Variants in EYA2 observed in about 807,000 individuals in gnomAD.
The protein encoded by EYA2 is protein phosphatase EYA2.
Under a neutral mutation model 69.2 loss-of-function variants are expected in EYA2, and 31 were observed. That is an observed-to-expected ratio of 0.45 (90% confidence interval 0.34 to 0.60). The LOEUF is 0.60. Ranked by LOEUF, EYA2 falls within the 20% of genes least tolerant of loss-of-function variation. EYA2 has a pLI of 0.02. For synonymous variants in EYA2, 257 were observed against 279.4 expected (o/e 0.92, Z 0.80); for missense variants, 622 against 701.2 (o/e 0.89, Z 1.28).
chr20:47,008,443 C>T (rs1982860713), intron 4 of EYA2, among the ~76,000 whole-genome samples: 1 of 152,224 alleles, frequency 6.6e-6, no homozygotes. Context: ...AGACCTTGGC[C>T]AACAGGTGTG....
intron 8 of EYA2, among the ~76,000 whole-genome samples, chr20:47,090,595 A>G (rs1233465524): frequency 6.6e-6 from 1 of 152,032 alleles, no homozygotes; most frequent in African/African-American, 2.4e-5. Context: ...TATGGGATAC[A>G]TACAGATAGT....
chr20:46,996,314 G>A (rs1415490466), intron 2 of EYA2, among the ~76,000 whole-genome samples: 1 of 152,182 alleles, frequency 6.6e-6, no homozygotes, highest in Non-Finnish European at 1.5e-5. Flanking sequence ...TTGAGTTTGT[G>A]TCTTCTGGAA....
chr20:46,939,723 T>A (rs923916697), intron 1 of EYA2, among the ~76,000 whole-genome samples: 2 of 152,212 alleles, frequency 1.3e-5, no homozygotes, highest in Non-Finnish European at 2.9e-5. Flanking sequence ...TTTTGTCTCC[T>A]CTATTTGTAA....
chr20:46,986,309 T>G (rs1261116183), intron 1 of EYA2, among the ~76,000 whole-genome samples: 2 of 136,204 alleles, frequency 1.5e-5, no homozygotes, highest in Non-Finnish European at 3.2e-5. Context: ...GTATATATTA[T>G]ATATTATATA....
chr20:47,087,860 C>T (rs2031944848), intron 7 of EYA2, among the ~76,000 whole-genome samples: 1 of 152,248 alleles, frequency 6.6e-6, no homozygotes, highest in Admixed American at 6.5e-5. Flanking sequence ...GTGCTAGATG[C>T]TCTCGCCTAT....
intron 1 of EYA2, among the ~76,000 whole-genome samples, chr20:46,901,892 G>T (rs900967651): frequency 1.1e-4 from 16 of 152,184 alleles, no homozygotes; most frequent in Admixed American, 1.0e-3. Context: ...ATTCACCTCC[G>T]GTCTGCGATG....
intron 1 of EYA2, among the ~76,000 whole-genome samples, chr20:46,918,602 T>C (rs1985038245): frequency 6.6e-6 from 1 of 152,116 alleles, no homozygotes; most frequent in African/African-American, 2.4e-5. Flanking sequence ...CACCAGCACC[T>C]GGCCTATTTC....
chr20:47,123,062 T>G (rs190504589), intron 9 of EYA2, among the ~76,000 whole-genome samples: 13 of 152,270 alleles, frequency 8.5e-5, no homozygotes, highest in Non-Finnish European at 2.9e-5. Context: ...ACTCACCTTA[T>G]AGGGTCACTG....
intron 9 of EYA2, among the ~76,000 whole-genome samples, chr20:47,125,047 G>GTTTTTTTTTTTTTTTTTTTTTTTTTT (rs11478823): frequency 1.1e-5 from 1 of 88,396 alleles, no homozygotes. Context: ...TTTTGGTTAA[G>GTTTTTTTTTTTTTTTTTTTTTTTTTT]TTTTTTTTTT....
chr20:46,954,607 G>A lies in EYA2; in HGVS notation c.-10-35394G>A, dbSNP rs535334530. On this transcript the variant is annotated intron_variant, in intron 1 of 15. Coordinates refer to ENST00000327619, the MANE Select transcript of EYA2 (RefSeq NM_005244.5). ...CTCCACAAATACCATGCCGATGAGT[G>A]GCCAGTGTCAAAACAGCAGCAACAA... Among the ~76,000 whole-genome samples the A allele has an allele frequency of 3.3e-5, 5 of 152,304 alleles. No homozygotes were observed. The South Asian group carries it at 1.0e-3, about 32-fold the overall frequency.
chr20:46,964,727 C>CT (rs1979671442), intron 1 of EYA2, among the ~76,000 whole-genome samples: 1 of 152,194 alleles, frequency 6.6e-6, no homozygotes, highest in Non-Finnish European at 1.5e-5. Context: ...GATGAGGAAA[C>CT]TGAGACCAAG....
At chr20:47,016,146 C>G in intron 4 of EYA2, 35 bp from the exon 5 acceptor site, 1 of 1,496,270 alleles carries the variant, frequency 6.7e-7, no homozygotes, top group Non-Finnish European at 9.3e-7. Flanking sequence ...AATCATGTGT[C>G]CTTGGTCCTT....
chr20:47,146,475 G>C (rs975580013), intron 10 of EYA2, among the ~76,000 whole-genome samples: 1 of 152,282 alleles, frequency 6.6e-6, no homozygotes, highest in African/African-American at 2.4e-5. Context: ...TTACCAGCTG[G>C]AGCTACTTAG....
At chr20:46,916,441 C>T (rs1984909288) in intron 1 of EYA2, among the ~76,000 whole-genome samples, 1 of 151,560 alleles carries the variant, frequency 6.6e-6, no homozygotes, top group Admixed American at 6.6e-5. Flanking sequence ...TGTGTAGGTG[C>T]TTAAGTGTGT....
At chr20:47,161,157 C>G in intron 10 of EYA2, 1 of 364,844 alleles carries the variant, frequency 2.7e-6, no homozygotes, top group Non-Finnish European at 5.1e-6. Flanking sequence ...TGCACCAGCA[C>G]AGAGCCACAG....
intron 9 of EYA2, among the ~76,000 whole-genome samples, chr20:47,132,704 C>A (rs1290316825): frequency 6.6e-6 from 1 of 152,214 alleles, no homozygotes; most frequent in African/African-American, 2.4e-5. Flanking sequence ...TTCATGGATA[C>A]CTTGTGAATG....
At chr20:46,933,162 CT>C (rs1005321287) in intron 1 of EYA2, among the ~76,000 whole-genome samples, 17 of 152,344 alleles carry the variant, frequency 1.1e-4, no homozygotes, top group Admixed American at 8.5e-4. Flanking sequence ...AGGTGGAATA[CT>C]AATGGCTGAT....
intron 1 of EYA2, among the ~76,000 whole-genome samples, chr20:46,915,729 G>A (rs1984873537): frequency 6.6e-6 from 1 of 152,188 alleles, no homozygotes; most frequent in Non-Finnish European, 1.5e-5. Context: ...TGGGGCCATT[G>A]GGAGATCTGC....
chr20:47,074,142 G>A lies in EYA2; in HGVS notation c.484-16G>A. The A allele has an allele frequency of 6.3e-7, 1 of 1,586,254 alleles. No individual in the cohort carries two copies. The highest frequency in any genetic ancestry group is 8.6e-7 in the Non-Finnish European group (1 of 1,161,476). On this transcript the variant is annotated splice_polypyrimidine_tract_variant and intron_variant, in intron 6 of 15. Transcript: ENST00000327619. ...GCTTCCTCACATATGTCCTTGGTTT[G>A]TTTTTCTCTTCCCAGGACTATCCTT...
Sources: gnomAD v4.1 joint callset for allele counts (sites outside exome capture counted in the v4.1 genomes callset) on GRCh38, gnomAD v4.1.1 for gene constraint, MANE v1.5 for transcripts, NCBI Gene and HGNC (gene_info 2026-07-23, HGNC 2026-07-21) for gene names.